PCDH19: variants seen among roughly 807,000 people sequenced by gnomAD.
PCDH19 encodes the protein protocadherin-19.
PCDH19 carries 6 observed loss-of-function variants against 46.2 expected under a neutral mutation model. The observed-to-expected ratio is 0.13, with a 90% CI of 0.07 to 0.26. The LOEUF (loss-of-function observed/expected upper bound fraction) is 0.26. Among genes scored for constraint, PCDH19 ranks in the 10% least tolerant of loss-of-function variants. The probability of loss-of-function intolerance (pLI) is 1.00; values close to 1 mark genes in which losing one functional copy is unlikely to be tolerated. For missense variants in PCDH19, 740 were observed against 972.3 expected (o/e 0.76, Z 3.18); for synonymous variants, 481 against 415.7 (o/e 1.16, Z -1.91).
At chrX:100,365,282 C>A (rs1242735482) in intron 3 of PCDH19, among the ~76,000 whole-genome samples, 4 of 110,954 alleles carry the variant, frequency 3.6e-5, no homozygotes, top group Non-Finnish European at 1.9e-5. Context: ...CAATTACTGG[C>A]AGAGTCAGAG....
chrX:100,327,032 T>C (rs193286497), intron 5 of PCDH19, among the ~76,000 whole-genome samples: 7 of 112,139 alleles, frequency 6.2e-5, no homozygotes, highest in African/African-American at 2.3e-4. Context: ...TAAATGCATT[T>C]TCTCTCCCCA....
chrX:100,314,874 A>G (rs1925247646), intron 5 of PCDH19, among the ~76,000 whole-genome samples: 1 of 112,209 alleles, frequency 8.9e-6, no homozygotes, highest in Non-Finnish European at 1.9e-5. Context: ...TCCTCTTCTC[A>G]TCTTGTCTCC....
At chrX:100,399,053 T>C (rs189238063) in intron 3 of PCDH19, among the ~76,000 whole-genome samples, 1 of 111,903 alleles carries the variant, frequency 8.9e-6, no homozygotes, top group East Asian at 2.8e-4. Flanking sequence ...TTATTTTTGA[T>C]CCCCGGGAAG....
intron 4 of PCDH19, among the ~76,000 whole-genome samples, chrX:100,347,422 G>T (rs1199135050): frequency 8.9e-6 from 1 of 111,872 alleles, no homozygotes; most frequent in Admixed American, 9.5e-5. Context: ...AGTATTTTTA[G>T]CTCCTCCAGT....
intron 3 of PCDH19, among the ~76,000 whole-genome samples, chrX:100,395,326 T>A (rs1349960687): frequency 1.8e-5 from 2 of 112,697 alleles, no homozygotes; most frequent in Non-Finnish European, 1.9e-5. Context: ...AAATACAGAA[T>A]TCCACTGCTG....
intron 3 of PCDH19, among the ~76,000 whole-genome samples, chrX:100,379,348 C>T (rs1172257784): frequency 4.0e-3 from 4 of 997 alleles, no homozygotes; most frequent in African/African-American, 4.7e-3. Flanking sequence ...CACACACACA[C>T]ATTTCCTCCC....
At chrX:100,355,717 G>C (rs2147496517) in intron 3 of PCDH19, among the ~76,000 whole-genome samples, 1 of 111,312 alleles carries the variant, frequency 9.0e-6, no homozygotes, top group Non-Finnish European at 1.9e-5. Flanking sequence ...AGCTTTCTTT[G>C]CTTACTACTT....
At chrX:100,388,548 C>A (rs1261068388) in intron 3 of PCDH19, among the ~76,000 whole-genome samples, 1 of 110,661 alleles carries the variant, frequency 9.0e-6, no homozygotes, top group Non-Finnish European at 1.9e-5. Flanking sequence ...AGATTAACAA[C>A]CCTGTACATG....
intron 5 of PCDH19, among the ~76,000 whole-genome samples, chrX:100,307,869 A>C (rs1924999576): frequency 9.0e-6 from 1 of 111,153 alleles, no homozygotes; most frequent in South Asian, 3.8e-4. Context: ...GAAAACTATA[A>C]AACACTGCTG....
At chrX:100,362,620 C>G (rs946275151) in intron 3 of PCDH19, among the ~76,000 whole-genome samples, 1 of 106,517 alleles carries the variant, frequency 9.4e-6, no homozygotes, top group South Asian at 4.3e-4. Flanking sequence ...GGTGAAACCC[C>G]GTCTCTACTA....
At chrX:100,378,831 T>C (rs1251045419) in intron 3 of PCDH19, among the ~76,000 whole-genome samples, 2 of 112,224 alleles carry the variant, frequency 1.8e-5, no homozygotes, top group African/African-American at 6.5e-5. Context: ...TCTGATTATG[T>C]CATCGACACA....
At chrX:100,359,897 C>T (rs1250778613) in intron 3 of PCDH19, among the ~76,000 whole-genome samples, 1 of 109,320 alleles carries the variant, frequency 9.1e-6, no homozygotes, top group East Asian at 2.9e-4. Flanking sequence ...TCCAGCCTAC[C>T]TTTGAGCCCT....
intron 3 of PCDH19, among the ~76,000 whole-genome samples, chrX:100,363,868 T>TGTGTGTGTGC (rs1926989789): frequency 1.1e-5 from 1 of 91,308 alleles, no homozygotes; most frequent in Non-Finnish European, 2.2e-5. Flanking sequence ...TGTGTGTGTG[T>TGTGTGTGTGC]GTGTGTGTGT....
At chrX:100,310,329 G>A (rs1202499084) in intron 5 of PCDH19, among the ~76,000 whole-genome samples, 1 of 110,898 alleles carries the variant, frequency 9.0e-6, no homozygotes, top group East Asian at 2.8e-4. Flanking sequence ...ATGTACATAA[G>A]TATAAATCAT....
intron 1 of PCDH19, among the ~76,000 whole-genome samples, chrX:100,404,297 T>G (rs751296324): frequency 2.7e-5 from 3 of 111,885 alleles, no homozygotes; most frequent in Non-Finnish European, 5.6e-5. Context: ...TCAGGAAGAT[T>G]TGCAGTGATG....
At chrX:100,350,966 C>T (rs1234960010) in intron 3 of PCDH19, among the ~76,000 whole-genome samples, 1 of 112,721 alleles carries the variant, frequency 8.9e-6, no homozygotes, top group Non-Finnish European at 1.9e-5. Flanking sequence ...CAACCACTTA[C>T]TGAGAAGAGA....
chrX:100,382,721 C>A (rs1306340017), intron 3 of PCDH19, among the ~76,000 whole-genome samples: 1 of 111,645 alleles, frequency 9.0e-6, no homozygotes, highest in East Asian at 2.8e-4. Context: ...CAGATTAAGG[C>A]CTAAATTGAT....
intron 5 of PCDH19, among the ~76,000 whole-genome samples, chrX:100,318,860 T>G (rs1925389904): frequency 9.0e-6 from 1 of 111,105 alleles, no homozygotes; most frequent in Non-Finnish European, 1.9e-5. Flanking sequence ...TAAATAATTG[T>G]GCCAAGGGCT....
chrX:100,372,829 A>G (rs1437562553), intron 3 of PCDH19, among the ~76,000 whole-genome samples: 2 of 112,118 alleles, frequency 1.8e-5, no homozygotes, highest in African/African-American at 6.5e-5. Context: ...TCTCAGAAAA[A>G]TACTTAACTT....
Sources: allele counts gnomAD v4.1 joint callset (sites outside exome capture counted in the v4.1 genomes callset), GRCh38; gene constraint gnomAD v4.1.1; transcripts MANE v1.5; gene names NCBI Gene and HGNC (gene_info 2026-07-23, HGNC 2026-07-21).